Variants in CSMD3 observed in about 807,000 individuals in gnomAD.
The protein encoded by CSMD3 is CUB and Sushi multiple domains 3.
In CSMD3, 177 loss-of-function variants were observed where a neutral mutation model predicts 435.2. The ratio of observed to expected loss-of-function variants is 0.41; its 90% CI spans 0.36 to 0.46. The LOEUF is 0.46. Among genes scored for constraint, CSMD3 ranks in the 20% least tolerant of loss-of-function variants. The pLI is 0.34. For missense variants in CSMD3, 4,265 were observed against 4,504.6 expected, an observed-to-expected ratio of 0.95 and a Z score of 1.52; for synonymous variants, 1,656 against 1,520.5, an observed-to-expected ratio of 1.09 and a Z score of -2.07.
chr8:112,235,913 G>C (rs1398485267), intron 67 of CSMD3, among the ~76,000 whole-genome samples: 1 of 151,790 alleles, frequency 6.6e-6, no homozygotes, highest in Non-Finnish European at 1.5e-5. Context: ...ATTAGAATAA[G>C]TATACATTTA....
intron 1 of CSMD3, among the ~76,000 whole-genome samples, chr8:113,427,081 T>C (rs890817686): frequency 1.3e-5 from 2 of 151,368 alleles, no homozygotes; most frequent in Non-Finnish European, 3.0e-5. Context: ...TCTGAAAATA[T>C]AACAACAAAT....
intron 5 of CSMD3, among the ~76,000 whole-genome samples, chr8:113,050,201 T>G (rs982286654): frequency 6.6e-6 from 1 of 152,046 alleles, no homozygotes; most frequent in African/African-American, 2.4e-5. Flanking sequence ...CTAGTTTCCA[T>G]GACTGCATAT....
intron 16 of CSMD3, among the ~76,000 whole-genome samples, chr8:112,667,402 C>A (rs1179982963): frequency 6.6e-6 from 1 of 152,204 alleles, no homozygotes; most frequent in Non-Finnish European, 1.5e-5. Context: ...TCCTCAAGCT[C>A]ACTCTTATTT....
intron 13 of CSMD3, among the ~76,000 whole-genome samples, chr8:112,760,579 A>C (rs994318609): frequency 2.0e-5 from 3 of 152,230 alleles, no homozygotes. Flanking sequence ...ATGGAAATTG[A>C]AGCCCATTAA....
intron 28 of CSMD3, among the ~76,000 whole-genome samples, chr8:112,513,891 A>C (rs1414618079): frequency 1.3e-5 from 2 of 152,132 alleles, no homozygotes; most frequent in African/African-American, 4.8e-5. Flanking sequence ...TAGAAGGAAC[A>C]TTGGTCTTTT....
intron 27 of CSMD3, among the ~76,000 whole-genome samples, chr8:112,548,736 G>A (rs375414166): frequency 8.1e-4 from 123 of 152,108 alleles, no homozygotes; most frequent in African/African-American, 2.8e-3. Flanking sequence ...AGCTGTGTAA[G>A]CACATGTTTT....
chr8:113,120,008 TA>T (rs1038889089), intron 4 of CSMD3, among the ~76,000 whole-genome samples: 8 of 151,858 alleles, frequency 5.3e-5, no homozygotes, highest in African/African-American at 7.2e-5. Context: ...ATTACACAAA[TA>T]AAAAAAATTT....
chr8:112,594,819 G>A (rs1271851043), intron 22 of CSMD3, among the ~76,000 whole-genome samples: 2 of 152,026 alleles, frequency 1.3e-5, no homozygotes, highest in East Asian at 1.9e-4. Flanking sequence ...CTGTTAGAAA[G>A]AAAACTAACA....
chr8:112,597,379 T>C (rs1477509717), intron 22 of CSMD3, among the ~76,000 whole-genome samples: 1 of 148,232 alleles, frequency 6.7e-6, no homozygotes, highest in East Asian at 2.0e-4. Flanking sequence ...TAATCAATAG[T>C]TTACCAACCA....
intron 32 of CSMD3, among the ~76,000 whole-genome samples, chr8:112,428,235 T>C (rs1813282345): frequency 6.6e-6 from 1 of 152,184 alleles, no homozygotes; most frequent in African/African-American, 2.4e-5. Context: ...TCAGTCTTTA[T>C]CTGTAATTTA....
At position 112,638,886 on chromosome 8, in the gene CSMD3, A is replaced by C; in HGVS notation, c.3336T>G (p.Phe1112Leu). Residue 1112 changes from phenylalanine (F) to leucine (L), a missense_variant, in exon 21 of 71, where the codon TTT becomes TTG. Phe to Leu is a conservative substitution (Grantham distance 22). This residue lies in a region of CSMD3 where 3,255 missense variants were observed against 3,380.2 expected (regional missense o/e 0.96). Coordinates refer to ENST00000297405, the MANE Select transcript of CSMD3 (RefSeq NM_198123.2). Reference sequence around the variant, plus strand: ...AGTAGTCATGATGGTCTTCCAAATGAAAAGTGTGGAAGTTGAACTGCACAC... The same window carrying C: ...AGTAGTCATGATGGTCTTCCAAATGCAAAGTGTGGAAGTTGAACTGCACAC... ...GKGVQFNFHT[F>L]HLEDHHDYLL... 1.2e-6 allele frequency: 2 copies of C among 1,612,750 alleles called. No individual in the cohort carries two copies. The highest frequency in any genetic ancestry group is 1.7e-6 in the Non-Finnish European group (2 of 1,179,000).
At chr8:113,118,444 C>G (rs1169060325) in intron 4 of CSMD3, among the ~76,000 whole-genome samples, 2 of 152,156 alleles carry the variant, frequency 1.3e-5, no homozygotes, top group Non-Finnish European at 2.9e-5. Flanking sequence ...AAATCTGACA[C>G]TAATAGTGTG....
At chr8:112,400,624 G>A (rs1275299084) in intron 35 of CSMD3, among the ~76,000 whole-genome samples, 1 of 152,032 alleles carries the variant, frequency 6.6e-6, no homozygotes, top group Non-Finnish European at 1.5e-5. Context: ...AATCTAGGTT[G>A]AGAACAGTAA....
intron 32 of CSMD3, among the ~76,000 whole-genome samples, chr8:112,446,854 G>A (rs969313746): frequency 2.0e-5 from 3 of 152,134 alleles, no homozygotes; most frequent in Non-Finnish European, 4.4e-5. Flanking sequence ...ATAGCCTCCT[G>A]TTACAGGTCT....
intron 5 of CSMD3, among the ~76,000 whole-genome samples, chr8:113,091,603 A>G (rs1460082274): frequency 6.6e-6 from 1 of 151,942 alleles, no homozygotes; most frequent in African/African-American, 2.4e-5. Flanking sequence ...TTTCTGCCGT[A>G]TCAATTATAA....
At chr8:113,395,066 G>C (rs1468831068) in intron 1 of CSMD3, among the ~76,000 whole-genome samples, 1 of 148,608 alleles carries the variant, frequency 6.7e-6, no homozygotes, top group Non-Finnish European at 1.5e-5. Context: ...TATCCAACGT[G>C]ATACTGTTTT....
chr8:113,042,352 A>G (rs1158537760), intron 5 of CSMD3, among the ~76,000 whole-genome samples: 2 of 152,178 alleles, frequency 1.3e-5, no homozygotes, highest in Admixed American at 6.5e-5. Context: ...CAGCAAAAGT[A>G]TAAGATTAAT....
At chr8:112,407,274 A>G (rs1405806759) in intron 34 of CSMD3, among the ~76,000 whole-genome samples, 1 of 152,060 alleles carries the variant, frequency 6.6e-6, no homozygotes, top group Non-Finnish European at 1.5e-5. Context: ...AATATATGTC[A>G]GACAGATTAA....
intron 6 of CSMD3, among the ~76,000 whole-genome samples, chr8:112,989,313 C>T (rs2085363260): frequency 6.6e-6 from 1 of 151,986 alleles, no homozygotes; most frequent in Non-Finnish European, 1.5e-5. Context: ...ACAATACTTC[C>T]TATCCAGTTA....
Sources: allele counts gnomAD v4.1 joint callset (sites outside exome capture counted in the v4.1 genomes callset), GRCh38; gene constraint gnomAD v4.1.1; regional missense constraint gnomAD v4.1.1; transcripts MANE v1.5; gene names NCBI Gene and HGNC (gene_info 2026-07-23, HGNC 2026-07-21).